The following RSRC1 variants were observed in gnomAD, a reference collection of about 807,000 sequenced individuals.
The protein encoded by RSRC1 is arginine and serine rich coiled-coil 1, also known as serine/Arginine-related protein 53.
In RSRC1, 39 loss-of-function variants were observed where a neutral mutation model predicts 49.1. The observed-to-expected ratio is 0.79, with a 90% confidence interval of 0.61 to 1.04. The LOEUF is 1.04. Among genes scored for constraint, RSRC1 ranks in the 50% least tolerant of loss-of-function variants. RSRC1 has a pLI of 0.00. For missense variants in RSRC1, 388 were observed against 402.4 expected, an observed-to-expected ratio of 0.96 and a Z score of 0.31; for synonymous variants, 143 against 130.8, an observed-to-expected ratio of 1.09 and a Z score of -0.63.
At chr3:158,288,768 G>A (rs185508643) in intron 4 of RSRC1, among the ~76,000 whole-genome samples, 7 of 148,700 alleles carry the variant, frequency 4.7e-5, no homozygotes, top group African/African-American at 1.8e-4. Context: ...TTGTTTTACA[G>A]TATTGTTTAG....
chr3:158,125,319 T>C (rs1332015955), intron 3 of RSRC1, among the ~76,000 whole-genome samples: 7 of 152,100 alleles, frequency 4.6e-5, no homozygotes, highest in Non-Finnish European at 1.5e-5. Flanking sequence ...TTAAGTATGA[T>C]ATGAGACTTT....
intron 4 of RSRC1, among the ~76,000 whole-genome samples, chr3:158,290,510 C>T (rs561894346): frequency 3.9e-4 from 60 of 152,180 alleles, no homozygotes; most frequent in Admixed American, 1.5e-3. Context: ...TTCCTGACCT[C>T]GTGATCCGCC....
At chr3:158,289,741 A>T (rs1283304861) in intron 4 of RSRC1, among the ~76,000 whole-genome samples, 1 of 152,228 alleles carries the variant, frequency 6.6e-6, no homozygotes, top group Non-Finnish European at 1.5e-5. Flanking sequence ...ATCTTTGTAG[A>T]TCAGAGTACT....
chr3:158,211,629 A>G (rs1721683379), intron 4 of RSRC1, among the ~76,000 whole-genome samples: 1 of 151,938 alleles, frequency 6.6e-6, no homozygotes, highest in Non-Finnish European at 1.5e-5. Flanking sequence ...GCCCTAGACA[A>G]TATACCCGGT....
intron 6 of RSRC1, among the ~76,000 whole-genome samples, chr3:158,403,097 A>G (rs534580719): frequency 5.3e-5 from 8 of 151,956 alleles, no homozygotes; most frequent in African/African-American, 1.7e-4. Context: ...GTCCCATGAC[A>G]TTAGTGGTAT....
chr3:158,458,948 A>G (rs1224519869), intron 6 of RSRC1, among the ~76,000 whole-genome samples: 2 of 152,222 alleles, frequency 1.3e-5, no homozygotes, highest in East Asian at 3.8e-4. Flanking sequence ...TTAATAGTCA[A>G]TGAGGAGTTT....
At chr3:158,126,871 GTTTTTT>G (rs1022932042) in intron 3 of RSRC1, among the ~76,000 whole-genome samples, 3 of 150,400 alleles carry the variant, frequency 2.0e-5, no homozygotes, top group South Asian at 2.1e-4. Context: ...GATTGACAGG[GTTTTTT>G]TTGTTTTTGT....
At chr3:158,424,352 T>C (rs1488193808) in intron 6 of RSRC1, among the ~76,000 whole-genome samples, 1 of 152,128 alleles carries the variant, frequency 6.6e-6, no homozygotes, top group African/African-American at 2.4e-5. Context: ...GGTTTTTGTC[T>C]TTGGTTCTGT....
At chr3:158,222,519 A>G (rs1722281201) in intron 4 of RSRC1, among the ~76,000 whole-genome samples, 1 of 151,524 alleles carries the variant, frequency 6.6e-6, no homozygotes, top group South Asian at 2.1e-4. Flanking sequence ...AAATATATAT[A>G]ATTTTTGTCA....
At chr3:158,179,969 C>T (rs1238087342) in intron 3 of RSRC1, among the ~76,000 whole-genome samples, 1 of 152,144 alleles carries the variant, frequency 6.6e-6, no homozygotes, top group Admixed American at 6.5e-5. Flanking sequence ...ATTTGCATTT[C>T]TCTAATGGTT....
At chr3:158,272,044 T>C (rs372041797) in intron 4 of RSRC1, among the ~76,000 whole-genome samples, 7 of 152,324 alleles carry the variant, frequency 4.6e-5, no homozygotes, top group African/African-American at 1.7e-4. Flanking sequence ...TTGTTGTTTT[T>C]TTTTCCAAAG....
chr3:158,275,159 A>G (rs114303896), intron 4 of RSRC1, among the ~76,000 whole-genome samples: 1,697 of 152,266 alleles, frequency 0.011, 43 homozygotes, highest in African/African-American at 0.038. Flanking sequence ...CTAACATTCA[A>G]TTTCAAAACA....
chr3:158,347,693 G>T (rs950488210), intron 5 of RSRC1, among the ~76,000 whole-genome samples: 1 of 152,010 alleles, frequency 6.6e-6, no homozygotes, highest in Non-Finnish European at 1.5e-5. Flanking sequence ...CTACAGGCTT[G>T]TATGTGTAGT....
intron 4 of RSRC1, among the ~76,000 whole-genome samples, chr3:158,272,699 T>C (rs542661205): frequency 6.6e-6 from 1 of 152,140 alleles, no homozygotes; most frequent in Admixed American, 6.5e-5. Flanking sequence ...CAGAATATTA[T>C]AGTTAGTAAA....
chr3:158,260,237 A>C lies in RSRC1; in HGVS notation c.495-37802A>C, dbSNP rs1578255753. On this transcript the variant is annotated intron_variant, in intron 4 of 9. Transcript: ENST00000611884. ...GAGTCTCACCCAAGACCTGTAGTAC[A>C]TACTATTCAGGGCTCAAAGGCTCTT... 2.6e-5 allele frequency among the ~76,000 whole-genome samples: 4 copies of C among 152,124 alleles called. No individual in the cohort carries two copies. The South Asian group carries it at 8.3e-4, about 32-fold the overall frequency.
intron 6 of RSRC1, among the ~76,000 whole-genome samples, chr3:158,440,310 G>T (rs909737871): frequency 6.6e-6 from 1 of 151,942 alleles, no homozygotes; most frequent in Non-Finnish European, 1.5e-5. Flanking sequence ...TTTTCTGATT[G>T]TTCTTAGAGA....
intron 7 of RSRC1, among the ~76,000 whole-genome samples, chr3:158,514,635 G>A (rs897432817): frequency 5.3e-5 from 8 of 152,010 alleles, no homozygotes; most frequent in East Asian, 1.9e-4. Context: ...TATTATGTCC[G>A]CTTGGTGCAG....
At chr3:158,249,113 A>ACACAC (rs1724067521) in intron 4 of RSRC1, among the ~76,000 whole-genome samples, 1 of 152,072 alleles carries the variant, frequency 6.6e-6, no homozygotes, top group Non-Finnish European at 1.5e-5. Flanking sequence ...TCTAGTCAAT[A>ACACAC]TTTCTCCTAT....
intron 3 of RSRC1, among the ~76,000 whole-genome samples, chr3:158,137,579 G>C (rs1230040894): frequency 6.6e-6 from 1 of 151,708 alleles, no homozygotes; most frequent in East Asian, 1.9e-4. Flanking sequence ...AAAATTAGTA[G>C]ATTCAGAATA....
Sources: allele counts gnomAD v4.1 joint callset (sites outside exome capture counted in the v4.1 genomes callset), GRCh38; gene constraint gnomAD v4.1.1; transcripts MANE v1.5; gene names NCBI Gene and HGNC (gene_info 2026-07-23, HGNC 2026-07-21).